ZP2: variants seen among roughly 807,000 people sequenced by gnomAD.
ZP2 encodes zona pellucida glycoprotein 2, also known as zona pellucida sperm-binding protein 2.
ZP2 carries 51 observed loss-of-function variants against 84.0 expected under a neutral mutation model. That is an observed-to-expected ratio of 0.61 (90% CI 0.49 to 0.77). ZP2 has a LOEUF of 0.77. Among genes scored for constraint, ZP2 ranks in the 30% least tolerant of loss-of-function variants. ZP2 has a pLI of 0.00. For synonymous variants in ZP2, 375 were observed against 330.9 expected, an observed-to-expected ratio of 1.13 and a Z score of -1.45; for missense variants, 909 against 911.9, an observed-to-expected ratio of 1.00 and a Z score of 0.04.
At chr16:21,206,559 T>G (rs564285967) in intron 5 of ZP2, among the ~76,000 whole-genome samples, 1 of 152,216 alleles carries the variant, frequency 6.6e-6, no homozygotes, top group African/African-American at 2.4e-5. Context: ...TTAGTGTGAG[T>G]GCAACTACCA....
At chr16:21,208,071 G>C (rs1022764835) in intron 4 of ZP2, among the ~76,000 whole-genome samples, 1 of 152,078 alleles carries the variant, frequency 6.6e-6, no homozygotes, top group African/African-American at 2.4e-5. Context: ...ACAAAGATTA[G>C]ACAGGCATAG....
chr16:21,199,958 A>G, intron 14 of ZP2, 80 bp from the exon 15 acceptor site: 7 of 1,559,136 alleles, frequency 4.5e-6, no homozygotes, highest in Non-Finnish European at 6.1e-6. Context: ...ATTTAGTCAT[A>G]CGTAATATCT....
chr16:21,204,291 G>A lies in ZP2; in HGVS notation c.790+17C>T, dbSNP rs2093239472. 6.2e-7 allele frequency: 1 copy of A among 1,613,804 alleles called. No individual in the cohort carries two copies. Among genetic ancestry groups the A allele is most frequent in the African/African-American group, 1.3e-5 (1 of 74,906 alleles). On this transcript the variant is annotated intron_variant, in intron 8 of 18. Coordinates refer to ENST00000574091, the MANE Select transcript of ZP2 (RefSeq NM_001376232.1). ...CAATGTCTCCCACACTGAGGTTGCA[G>A]CTATCTGGGACCTTACCTGGTGCAC...
intron 4 of ZP2, among the ~76,000 whole-genome samples, chr16:21,207,542 T>C (rs2093255345): frequency 6.6e-6 from 1 of 151,862 alleles, no homozygotes. Flanking sequence ...CTCCAGCACT[T>C]TGGGAGGCTG....
intron 5 of ZP2, chr16:21,206,006 T>C (rs568154405): frequency 5.4e-6 from 3 of 555,414 alleles, no homozygotes; most frequent in African/African-American, 1.9e-5. Flanking sequence ...TTGGGACACA[T>C]TTCTCCCCCC....
chr16:21,212,179 G>A (rs1056543091), upstream of ZP2, among the ~76,000 whole-genome samples: 19 of 152,128 alleles, frequency 1.2e-4, no homozygotes, highest in East Asian at 2.5e-3. Context: ...CACGTGCCTC[G>A]GCCTCCCAAA....
chr16:21,212,070 G>A (rs1476865094), upstream of ZP2, among the ~76,000 whole-genome samples: 2 of 152,016 alleles, frequency 1.3e-5, no homozygotes, highest in African/African-American at 4.8e-5. Flanking sequence ...TGGGATTACA[G>A]GTGCACGCCA....
chr16:21,206,030 G>C (rs1379301987), intron 5 of ZP2: 1 of 512,724 alleles, frequency 2.0e-6, no homozygotes, highest in African/African-American at 1.9e-5. Flanking sequence ...ATAGAGTTTC[G>C]CTCATCGCCC....
In ZP2 at chr16:21,198,832, G is replaced by C. The variant is rs758922115; in HGVS notation, c.1958C>G (p.Thr653Arg). The change falls in exon 17 of 19, where the codon ACA becomes AGA. Residue 653 changes from threonine to arginine, a missense_variant. Physicochemically the swap from Thr to Arg is moderately conservative, Grantham distance 71. Coordinates refer to ENST00000574091, the MANE Select transcript of ZP2 (RefSeq NM_001376232.1). ...ATGATEAEKM[T>R]VSLPGPILLL... The stretch of plus-strand genomic sequence containing the variant: ...GAGAATGGGTCCTGGGAGGCTGACT[G>C]TCATTTTCTCTGCTTCAGTGGCCCC... The C allele has an allele frequency of 1.2e-5, 19 of 1,613,944 alleles. No homozygotes were observed. In the Admixed American group the frequency reaches 2.7e-4, roughly 23 times the overall value.
At position 21,197,457 on chromosome 16, in the gene ZP2, G is replaced by T; in HGVS notation, c.*23C>A. 1 of 1,613,138 alleles carries T rather than the reference G, an allele frequency of 6.2e-7. No homozygotes were observed. Among genetic ancestry groups the T allele is most frequent in the South Asian group, 1.1e-5 (1 of 90,982 alleles). On this transcript the variant is annotated 3_prime_UTR_variant, in exon 19 of 19. Transcript: ENST00000574091. Reference sequence around the variant, plus strand: ...ATGTGGAAGGCAAGAGGCTTATTTTGACTGCTTTATTTAGAAGCCCATTTA... The same window carrying T: ...ATGTGGAAGGCAAGAGGCTTATTTTTACTGCTTTATTTAGAAGCCCATTTA...
chr16:21,207,546 G>T (rs2093255368), intron 4 of ZP2, among the ~76,000 whole-genome samples: 1 of 152,056 alleles, frequency 6.6e-6, no homozygotes, highest in African/African-American at 2.4e-5. Flanking sequence ...AGCACTTTGG[G>T]AGGCTGAGGC....
In ZP2 at chr16:21,199,586, G is replaced by C. The variant is rs748977170; in HGVS notation, c.1911C>G (p.Ser637=). Residue 637 remains serine, a synonymous_variant, in exon 16 of 19, where the codon TCC becomes TCG. Coordinates refer to ENST00000574091, the MANE Select transcript of ZP2 (RefSeq NM_001376232.1). ...SPLCSVTCPV[S]SRHRRATGAT... ...AGTTTTTACCTCGCCTGTGCCTAGA[G>C]GACACAGGGCAGGTCACAGAACACA... 2 of 1,608,478 alleles carry C rather than the reference G, an allele frequency of 1.2e-6. No homozygotes were observed. The highest frequency in any genetic ancestry group is 1.7e-6 in the Non-Finnish European group (2 of 1,178,040).
chr16:21,209,540 C>G (rs944347931), intron 4 of ZP2, 91 bp downstream of exon 4: 6 of 1,189,710 alleles, frequency 5.0e-6, no homozygotes, highest in Middle Eastern at 2.2e-4. Context: ...CACTGCTTTA[C>G]TCCAAAGAGA....
At chr16:21,213,881 G>T (rs571778455), upstream of ZP2, among the ~76,000 whole-genome samples, 1 of 152,168 alleles carries the variant, frequency 6.6e-6, no homozygotes, top group African/African-American at 2.4e-5. Flanking sequence ...TGCCACAATG[G>T]TTAAGACTAT....
At chr16:21,201,099 T>C (rs1288667010) in intron 14 of ZP2, among the ~76,000 whole-genome samples, 1 of 151,790 alleles carries the variant, frequency 6.6e-6, no homozygotes, top group Non-Finnish European at 1.5e-5. Context: ...CCCAGGAGGC[T>C]GAGGTAGGAG....
At chr16:21,200,296 G>A (rs1597583260) in intron 14 of ZP2, among the ~76,000 whole-genome samples, 2 of 152,134 alleles carry the variant, frequency 1.3e-5, no homozygotes, top group East Asian at 3.9e-4. Flanking sequence ...AAATTAGCTG[G>A]GCATGGTGGC....
intron 3 of ZP2, 158 bp downstream of exon 3, chr16:21,209,951 G>A (rs1214989274): frequency 3.0e-5 from 22 of 725,908 alleles, no homozygotes; most frequent in Non-Finnish European, 5.2e-5. Context: ...GGTCTTCCAT[G>A]CTGGGTGGCT....
Position 21,201,732 on chromosome 16 carries a change from A to C in ZP2, c.1478T>G (p.Phe493Cys). Residue 493 changes from phenylalanine (F) to cysteine (C), a missense_variant, in exon 13 of 19, where the codon TTT (phenylalanine) becomes TGT (cysteine). Physicochemically the swap from Phe to Cys is radical, Grantham distance 205. Coordinates refer to ENST00000574091, the MANE Select transcript of ZP2 (RefSeq NM_001376232.1). ...TGGGTAGCTTTGCAGGATCAAGGTAAATGGACCCAACTTCACTGAGGCCAC... is the reference window on the plus strand; with the variant it reads ...TGGGTAGCTTTGCAGGATCAAGGTACATGGACCCAACTTCACTGAGGCCAC... ...PPVASVKLGP[F>C]TLILQSYPDN... 1.2e-6 allele frequency: 2 copies of C among 1,614,074 alleles called. No homozygotes were observed. The highest frequency in any genetic ancestry group is 1.7e-6 in the Non-Finnish European group (2 of 1,180,014).
intron 17 of ZP2, chr16:21,198,066 G>T (rs1027377204): frequency 8.2e-6 from 4 of 488,638 alleles, no homozygotes; most frequent in South Asian, 3.1e-5. Flanking sequence ...TTAAATCTTT[G>T]ACTACTATAC....
Sources: allele counts gnomAD v4.1 joint callset (sites outside exome capture counted in the v4.1 genomes callset), GRCh38; gene constraint gnomAD v4.1.1; transcripts MANE v1.5; gene names NCBI Gene and HGNC (gene_info 2026-07-23, HGNC 2026-07-21).